The following MED23 variants were observed in gnomAD, a reference collection of about 807,000 sequenced individuals.
The protein encoded by MED23 is mediator of RNA polymerase II transcription subunit 23.
Under a neutral mutation model 163.9 loss-of-function variants are expected in MED23, and 105 were observed. That is an observed-to-expected ratio of 0.64 (90% CI 0.55 to 0.75). MED23 has a LOEUF of 0.75. Ranked by LOEUF, MED23 falls within the 30% of genes least tolerant of loss-of-function variation. The pLI is 0.00. For synonymous variants in MED23, 561 were observed against 565.6 expected (o/e 0.99, Z 0.12); for missense variants, 1,054 against 1,649.0 (o/e 0.64, Z 6.25).
chr6:131,583,591 G>A (rs1380392813), downstream of MED23: 3 of 1,545,136 alleles, frequency 1.9e-6, no homozygotes, highest in African/African-American at 4.1e-5. Context: ...GACACTTTCA[G>A]AATGTCCATC....
At chr6:131,608,704 C>A (rs1220238720) in intron 11 of MED23, among the ~76,000 whole-genome samples, 2 of 152,134 alleles carry the variant, frequency 1.3e-5, no homozygotes, top group African/African-American at 2.4e-5. Flanking sequence ...CCCCACCCGG[C>A]TGGTTTTCTG....
downstream of MED23, chr6:131,583,180 G>A (rs779978565): frequency 6.2e-7 from 1 of 1,608,634 alleles, no homozygotes; most frequent in Non-Finnish European, 8.5e-7. Flanking sequence ...ATTCTTTTGT[G>A]TGTGCACACA....
At chr6:131,575,269 A>G (rs1279853910) in intron 30 of MED23, among the ~76,000 whole-genome samples, 3 of 152,168 alleles carry the variant, frequency 2.0e-5, no homozygotes, top group South Asian at 2.1e-4. Context: ...AGTATCTACT[A>G]TATGTCAGCT....
downstream of MED23, among the ~76,000 whole-genome samples, chr6:131,585,512 T>C (rs1035180064): frequency 6.6e-6 from 1 of 152,226 alleles, no homozygotes; most frequent in South Asian, 2.1e-4. Flanking sequence ...CACTCTAAGA[T>C]ATATTCTCTA....
chr6:131,581,105 A>T, intron 30 of MED23: 1 of 1,034,774 alleles, frequency 9.7e-7, no homozygotes, highest in Non-Finnish European at 1.5e-6. Flanking sequence ...AACCTATCAG[A>T]AATATCAGAC....
intron 7 of MED23, among the ~76,000 whole-genome samples, chr6:131,620,217 C>T (rs12199258): frequency 1.3e-5 from 2 of 152,214 alleles, no homozygotes; most frequent in Non-Finnish European, 2.9e-5. Flanking sequence ...TACATATTAT[C>T]TAAGGATAAA....
intron 18 of MED23, 61 bp downstream of exon 18, chr6:131,599,977 C>A (rs550155570): frequency 6.3e-7 from 1 of 1,584,564 alleles, no homozygotes; most frequent in African/African-American, 1.3e-5. Context: ...CTCTAGAACA[C>A]CATTGTGAAT....
chr6:131,621,297 A>T (rs142370402), intron 6 of MED23, among the ~76,000 whole-genome samples: 1,654 of 152,166 alleles, frequency 0.011, 36 homozygotes, highest in African/African-American at 0.037. Context: ...AATTGCTAAG[A>T]GAGTAGATTT....
At chr6:131,596,202 T>C in intron 21 of MED23, 39 bp from the exon 22 acceptor site, 1 of 1,572,096 alleles carries the variant, frequency 6.4e-7, no homozygotes, top group Non-Finnish European at 8.8e-7. Flanking sequence ...TAGAGCATTT[T>C]TTAAAAAATT....
intron 27 of MED23, 95 bp downstream of exon 27, chr6:131,590,227 G>T: frequency 8.6e-7 from 1 of 1,165,804 alleles, no homozygotes; most frequent in Non-Finnish European, 1.3e-6. Context: ...CACTACTAAT[G>T]GTTGTGACCT....
At chr6:131,615,745 A>T (rs1473538632) in intron 10 of MED23, 162 bp downstream of exon 10, 2 of 673,346 alleles carry the variant, frequency 3.0e-6, no homozygotes, top group Non-Finnish European at 5.2e-6. Flanking sequence ...AAAGCAATAT[A>T]TAAATGATAG....
In MED23 at chr6:131,594,263, T is replaced by C. The variant is rs1033347887; in HGVS notation, c.3068A>G (p.Lys1023Arg). 10 of 1,614,036 alleles carry C rather than the reference T, an allele frequency of 6.2e-6. No homozygotes were observed. Among genetic ancestry groups the C allele is most frequent in the African/African-American group, 4.0e-5 (3 of 74,904 alleles). Residue 1023 changes from lysine to arginine, a missense_variant, in exon 23 of 29, where the codon AAA becomes AGA. By Grantham distance (26) the Lys-to-Arg change is conservative. This residue lies in a region of MED23 where 362 missense variants were observed against 471.6 expected (regional missense o/e 0.77). Coordinates refer to ENST00000368068, the MANE Select transcript of MED23 (RefSeq NM_004830.4). ...EMHLRDRAFL[K>R]RKLVHAIIGS... The stretch of plus-strand genomic sequence containing the variant: ...AATGATCGCATGGACGAGTTTTCGT[T>C]TGAGAAATGCGCGGTCTCTCAGGTG...
chr6:131,579,212 G>A lies in MED23; in HGVS notation c.4096-4917C>T, dbSNP rs547122192. 1.5e-5 allele frequency: 24 copies of A among 1,614,082 alleles called. No homozygotes were observed. The highest frequency in any genetic ancestry group is 4.5e-5 in the East Asian group (2 of 44,880). On this transcript the variant is annotated intron_variant, in intron 30 of 30. Transcript: ENST00000354577. ...TCCAAGGTCTGTGGGAAAAGCAAGCGAGCAGCTGGCTGGCAAGGTGGCAGA... is the reference window on the plus strand; with the variant it reads ...TCCAAGGTCTGTGGGAAAAGCAAGCAAGCAGCTGGCTGGCAAGGTGGCAGA...
At chr6:131,626,280 T>A (rs115869272) in intron 3 of MED23, among the ~76,000 whole-genome samples, 1,755 of 152,214 alleles carry the variant, frequency 0.012, 35 homozygotes, top group African/African-American at 0.041. Context: ...GAATTTATCC[T>A]ATTTTTCATG....
chr6:131,586,306 AG>A (rs1482900186), downstream of MED23, among the ~76,000 whole-genome samples: 1 of 151,978 alleles, frequency 6.6e-6, no homozygotes, highest in Non-Finnish European at 1.5e-5. Flanking sequence ...AGGCTGAGGC[AG>A]GAGAATGGCG....
downstream of MED23, among the ~76,000 whole-genome samples, chr6:131,585,913 T>C (rs1441163066): frequency 6.6e-6 from 1 of 152,242 alleles, no homozygotes. Context: ...AGAATGTTTA[T>C]GTCCTTGAGA....
chr6:131,626,760 G>A (rs1043984210), intron 3 of MED23, among the ~76,000 whole-genome samples: 6 of 152,174 alleles, frequency 3.9e-5, no homozygotes, highest in Non-Finnish European at 7.3e-5. Context: ...TATGATCCAT[G>A]TCTGAGTGGC....
At chr6:131,624,330 A>ACCATGAGGTGAGAAAGTCTAGG (rs1165106250) in intron 4 of MED23, among the ~76,000 whole-genome samples, 4 of 152,204 alleles carry the variant, frequency 2.6e-5, no homozygotes, top group Admixed American at 1.3e-4. Flanking sequence ...GTTAGGCTCC[A>ACCATGAGGTGAGAAAGTCTAGG]CCATGAGGTG....
chr6:131,574,399 C>T (rs755759100), intron 30 of MED23: 36 of 1,330,744 alleles, frequency 2.7e-5, no homozygotes, highest in Non-Finnish European at 3.7e-5. Flanking sequence ...AAAAGTCTCT[C>T]CCAAACACAG....
Sources: allele counts gnomAD v4.1 joint callset (sites outside exome capture counted in the v4.1 genomes callset), GRCh38; gene constraint gnomAD v4.1.1; regional missense constraint gnomAD v4.1.1; transcripts MANE v1.5; gene names NCBI Gene and HGNC (gene_info 2026-07-23, HGNC 2026-07-21).